USP3: variants seen among roughly 807,000 people sequenced by gnomAD.
USP3 encodes the protein ubiquitin specific peptidase 3.
Under a neutral mutation model 72.3 loss-of-function variants are expected in USP3, and 20 were observed. That is an observed-to-expected ratio of 0.28 (90% CI 0.19 to 0.40). The LOEUF (loss-of-function observed/expected upper bound fraction) is 0.40. Among genes scored for constraint, USP3 ranks in the 10% least tolerant of loss-of-function variants. The probability of loss-of-function intolerance (pLI) is 1.00; values close to 1 mark genes in which losing one functional copy is unlikely to be tolerated. For synonymous variants in USP3, 222 were observed against 225.3 expected (o/e 0.99, Z 0.13); for missense variants, 479 against 633.9 (o/e 0.76, Z 2.62).
chr15:63,522,848 A>G lies in USP3; in HGVS notation c.92-9799A>G, dbSNP rs114528554. ...GTACTGGCAGTGCACTAAATGAAGTAGATACCAAGGGTATATTATGGTTGA... is the reference window on the plus strand; with the variant it reads ...GTACTGGCAGTGCACTAAATGAAGTGGATACCAAGGGTATATTATGGTTGA... On this transcript the variant is annotated intron_variant, in intron 1 of 14. Coordinates refer to ENST00000380324, the MANE Select transcript of USP3 (RefSeq NM_006537.4). Among the ~76,000 whole-genome samples, 685 of 152,348 alleles carry G rather than the reference A, an allele frequency of 4.5e-3. 9 individuals carry two copies. The highest frequency in any genetic ancestry group is 0.016 in the African/African-American group (659 of 41,570).
At chr15:63,541,192 G>T (rs77719071) in intron 3 of USP3, among the ~76,000 whole-genome samples, 5,055 of 152,242 alleles carry the variant, frequency 0.033, 105 homozygotes, top group Middle Eastern at 0.099. Context: ...GGCAGGTAAT[G>T]TTTTAAAGCA....
chr15:63,583,841 T>G (rs1285808171), intron 11 of USP3, among the ~76,000 whole-genome samples: 1 of 152,234 alleles, frequency 6.6e-6, no homozygotes, highest in African/African-American at 2.4e-5. Context: ...CTGGTATGTA[T>G]AGACTACATT....
chr15:63,539,051 C>A (rs1446522019), intron 3 of USP3, among the ~76,000 whole-genome samples: 3 of 151,938 alleles, frequency 2.0e-5, no homozygotes, highest in Non-Finnish European at 2.9e-5. Flanking sequence ...AACACACCTA[C>A]CAAAGTTAAG....
chr15:63,589,302 T>A (rs1464816753), intron 14 of USP3, among the ~76,000 whole-genome samples: 1 of 152,198 alleles, frequency 6.6e-6, no homozygotes, highest in African/African-American at 2.4e-5. Flanking sequence ...CAACTGAAAT[T>A]TAAATGGGGC....
At chr15:63,539,260 T>G (rs1405948791) in intron 3 of USP3, among the ~76,000 whole-genome samples, 9 of 152,196 alleles carry the variant, frequency 5.9e-5, no homozygotes, top group Admixed American at 3.3e-4. Flanking sequence ...TCTCACATTG[T>G]CATGGGTCAC....
In USP3 at chr15:63,577,699, C is replaced by T. The variant is rs566699309; in HGVS notation, c.1096+3296C>T. 6.6e-5 allele frequency among the ~76,000 whole-genome samples: 10 copies of T among 152,270 alleles called. No homozygotes were observed. In the East Asian group the frequency reaches 9.6e-4, roughly 15 times the overall value. ...CCAGGGAGTCAGAGGTTGCAGTGAG[C>T]TGAAATCGTGCAACCGCACTCCAGC... On this transcript the variant is annotated intron_variant, in intron 11 of 14. Transcript: ENST00000380324.
Position 63,574,449 on chromosome 15 carries a change from G to A in USP3, c.1096+46G>A. 1.4e-6 allele frequency: 2 copies of A among 1,400,984 alleles called. No homozygotes were observed. The highest frequency in any genetic ancestry group is 2.0e-6 in the Non-Finnish European group (2 of 1,016,860). The allele number at this position is 1,400,984 out of a possible 1,614,324, so 86.8% of individuals were successfully genotyped here. Reference sequence around the variant, plus strand: ...TAAAAATTTTTTTCTTTAAATAATTGAATAGATTGATAAGCTTCATCTATA... The same window carrying A: ...TAAAAATTTTTTTCTTTAAATAATTAAATAGATTGATAAGCTTCATCTATA... On this transcript the variant is annotated intron_variant, in intron 11 of 14. Transcript: ENST00000380324. This position sits in a 1 kb window ranked among gnomAD's most constrained non-coding sequence, Gnocchi z 4.6.
At chr15:63,589,872 G>T (rs2067154251) in intron 14 of USP3, among the ~76,000 whole-genome samples, 1 of 148,282 alleles carries the variant, frequency 6.7e-6, no homozygotes, top group Non-Finnish European at 1.5e-5. Context: ...TAAAAGATAA[G>T]CTCCTCCATA....
At position 63,525,690 on chromosome 15, in the gene USP3, G is replaced by C. The variant is rs16947227; in HGVS notation, c.92-6957G>C. Among the ~76,000 whole-genome samples, 1,036 of 152,270 alleles carry C rather than the reference G, an allele frequency of 6.8e-3. 14 individuals carry two copies. The highest frequency in any genetic ancestry group is 0.024 in the African/African-American group (996 of 41,532). On this transcript the variant is annotated intron_variant, in intron 1 of 14. Coordinates refer to ENST00000380324, the MANE Select transcript of USP3 (RefSeq NM_006537.4). ...GGCTTGTGAACATGCAGTTCAGAGA[G>C]GATTTATAGTGTACAGAAGATTTTA...
At chr15:63,533,472 G>C (rs546364962) in intron 2 of USP3, among the ~76,000 whole-genome samples, 153 of 152,134 alleles carry the variant, frequency 1.0e-3, no homozygotes, top group Admixed American at 3.2e-3. Flanking sequence ...TTTTTGCCTG[G>C]TAGCAGCACA....
In USP3 at chr15:63,539,304, A is replaced by G. The variant is rs148505936; in HGVS notation, c.284+2148A>G. 1.7e-3 allele frequency among the ~76,000 whole-genome samples: 261 copies of G among 152,230 alleles called. 1 individual carries two copies. Among genetic ancestry groups the G allele is most frequent in the Admixed American group, 7.4e-3 (113 of 15,292 alleles). On this transcript the variant is annotated intron_variant, in intron 3 of 14. Coordinates refer to ENST00000380324, the MANE Select transcript of USP3 (RefSeq NM_006537.4). The stretch of plus-strand genomic sequence containing the variant: ...ATAGTACCAGATACTGAGAACATTG[A>G]TTTTTGATTTTCAGTTAGCAATGTG...
At chr15:63,579,296 T>G (rs1230260474) in intron 11 of USP3, among the ~76,000 whole-genome samples, 1 of 152,190 alleles carries the variant, frequency 6.6e-6, no homozygotes, top group Admixed American at 6.5e-5. Flanking sequence ...AAAATTCCTC[T>G]GTACGCAGAA....
At chr15:63,518,377 G>A (rs987007368) in intron 1 of USP3, among the ~76,000 whole-genome samples, 1 of 152,154 alleles carries the variant, frequency 6.6e-6, no homozygotes, top group Admixed American at 6.5e-5. Context: ...TTAATGCATT[G>A]TAATACTTTT....
intron 6 of USP3, among the ~76,000 whole-genome samples, chr15:63,559,060 G>A (rs2066560758): frequency 1.3e-5 from 2 of 152,202 alleles, no homozygotes; most frequent in African/African-American, 4.8e-5. Flanking sequence ...ACCCATTTAT[G>A]TCAGAGGTTG....
intron 8 of USP3, 65 bp downstream of exon 8, chr15:63,563,073 T>G (rs1595751857): frequency 8.6e-7 from 1 of 1,163,442 alleles, no homozygotes; most frequent in East Asian, 2.7e-5. Context: ...CTGAAATAAT[T>G]CCTAATGAAG....
intron 8 of USP3, among the ~76,000 whole-genome samples, chr15:63,564,473 C>T (rs981210172): frequency 2.6e-5 from 4 of 152,170 alleles, no homozygotes; most frequent in African/African-American, 9.7e-5. Context: ...TTTCCTTGAT[C>T]CCCATGGTGA....
chr15:63,585,635 A>C (rs139031005), intron 11 of USP3, among the ~76,000 whole-genome samples: 19 of 152,160 alleles, frequency 1.2e-4, no homozygotes, highest in African/African-American at 4.6e-4. Flanking sequence ...ATGAAGTCCA[A>C]CTTATAAATC....
At chr15:63,556,998 T>G (rs116951528) in intron 5 of USP3, 173 of 308,916 alleles carry the variant, frequency 5.6e-4, no homozygotes, top group South Asian at 1.1e-3. Context: ...CAGTTCACTC[T>G]TAATACTTGC....
chr15:63,528,805 A>G lies in USP3; in HGVS notation c.92-3842A>G, dbSNP rs2066022515. ...TTAAGATTATCTGTAGTATTCTTTT[A>G]TTTGTACAATTACCTGTTCTCTTCT... On this transcript the variant is annotated intron_variant, in intron 1 of 14. Transcript: ENST00000380324. The surrounding 1 kb of genome is among the most constrained non-coding windows in gnomAD (Gnocchi z 4.3). 6.6e-6 allele frequency among the ~76,000 whole-genome samples: 1 copy of G among 152,152 alleles called. No homozygotes were observed. The highest frequency in any genetic ancestry group is 1.5e-5 in the Non-Finnish European group (1 of 68,010).
Sources: gnomAD v4.1 joint callset for allele counts (sites outside exome capture counted in the v4.1 genomes callset) on GRCh38, gnomAD v4.1.1 for gene constraint, Gnocchi (gnomAD v3.1) non-coding constraint, MANE v1.5 for transcripts, NCBI Gene and HGNC (gene_info 2026-07-23, HGNC 2026-07-21) for gene names.